CORO2B: variants seen among roughly 807,000 people sequenced by gnomAD.
CORO2B encodes the protein coronin 2B.
A neutral mutation model predicts 58.8 loss-of-function variants in CORO2B; 26 were observed. The observed-to-expected ratio is 0.44, with a 90% confidence interval of 0.32 to 0.61. The LOEUF is 0.61. Among genes scored for constraint, CORO2B ranks in the 20% least tolerant of loss-of-function variants. The pLI, the probability that CORO2B is intolerant of heterozygous loss-of-function variation, is 0.04. For missense variants in CORO2B, 460 were observed against 645.1 expected (o/e 0.71, Z 3.11); for synonymous variants, 242 against 253.8 (o/e 0.95, Z 0.44).
intron 1 of CORO2B, chr15:68,631,997 G>A (rs1448592861): frequency 1.0e-6 from 1 of 985,340 alleles, no homozygotes; most frequent in Admixed American, 6.1e-5. Flanking sequence ...AACAGATTCT[G>A]TTGACCTTTA....
intron 2 of CORO2B, among the ~76,000 whole-genome samples, chr15:68,685,140 G>A (rs1392466380): frequency 6.6e-6 from 1 of 152,174 alleles, no homozygotes; most frequent in Admixed American, 6.5e-5. Flanking sequence ...ATCACCTAAT[G>A]TGACTTCTGT....
the CORO2B span, among the ~76,000 whole-genome samples, chr15:68,522,245 G>A: frequency 3.3e-5 from 5 of 152,046 alleles, no homozygotes; most frequent in African/African-American, 1.2e-4. Context: ...TGGCATTGTT[G>A]GAAAATTCTT....
chr15:68,553,396 C>A, the CORO2B span, among the ~76,000 whole-genome samples: 2 of 151,860 alleles, frequency 1.3e-5, no homozygotes, highest in Non-Finnish European at 2.9e-5. Flanking sequence ...GGTTGGAGAG[C>A]GAGATGTGAT....
chr15:68,530,948 C>G, the CORO2B span, among the ~76,000 whole-genome samples: 1 of 152,068 alleles, frequency 6.6e-6, no homozygotes, highest in Non-Finnish European at 1.5e-5. Flanking sequence ...ATAAATCTGC[C>G]ATTCTATTGT....
the CORO2B span, among the ~76,000 whole-genome samples, chr15:68,540,536 C>T: frequency 3.3e-5 from 5 of 152,150 alleles, no homozygotes; most frequent in African/African-American, 4.8e-5. Flanking sequence ...GAAAAATGTG[C>T]AGTTTAGCTC....
intron 2 of CORO2B, among the ~76,000 whole-genome samples, chr15:68,664,953 A>G (rs996591686): frequency 6.6e-6 from 1 of 152,000 alleles, no homozygotes; most frequent in Admixed American, 6.6e-5. Context: ...TACGTTTCAA[A>G]TGGTACTTTT....
intron 2 of CORO2B, among the ~76,000 whole-genome samples, chr15:68,673,104 G>C (rs1902457474): frequency 1.3e-5 from 2 of 152,156 alleles, no homozygotes; most frequent in Non-Finnish European, 2.9e-5. Context: ...GGAAACCTAA[G>C]CCGGTAGGTG....
At chr15:68,519,812 T>C in the CORO2B span, among the ~76,000 whole-genome samples, 1 of 152,234 alleles carries the variant, frequency 6.6e-6, no homozygotes, top group Non-Finnish European at 1.5e-5. Context: ...GTTCAGGCTA[T>C]ACATAGCTCT....
chr15:68,565,523 A>C, the CORO2B span, among the ~76,000 whole-genome samples: 3 of 148,962 alleles, frequency 2.0e-5, no homozygotes, highest in African/African-American at 7.6e-5. Flanking sequence ...TTTTTCAAAT[A>C]AAAATAAATA....
At chr15:68,558,917 T>G in the CORO2B span, among the ~76,000 whole-genome samples, 5 of 152,100 alleles carry the variant, frequency 3.3e-5, no homozygotes, top group South Asian at 2.1e-4. Flanking sequence ...GGGGAGGTGT[T>G]GTGAGAAATA....
At chr15:68,713,551 C>T (rs532731014) in intron 5 of CORO2B, among the ~76,000 whole-genome samples, 2 of 152,314 alleles carry the variant, frequency 1.3e-5, no homozygotes, top group African/African-American at 4.8e-5. Flanking sequence ...GACTGTACTC[C>T]CTACAGATGC....
the CORO2B span, among the ~76,000 whole-genome samples, chr15:68,542,242 A>G: frequency 1.3e-5 from 2 of 152,228 alleles, no homozygotes; most frequent in East Asian, 1.9e-4. Context: ...ATCCTTAATC[A>G]ATTTCTGAAC....
intron 3 of CORO2B, among the ~76,000 whole-genome samples, chr15:68,702,569 A>G (rs887618355): frequency 2.0e-5 from 3 of 152,100 alleles, no homozygotes; most frequent in Admixed American, 1.3e-4. Flanking sequence ...GATAAACTCA[A>G]TTTTTAGAAT....
In CORO2B at chr15:68,660,976, C is replaced by CT. The variant is rs57270255; in HGVS notation, c.216+15628dup. Among the ~76,000 whole-genome samples the CT allele has an allele frequency of 1.9e-3, 277 of 147,170 alleles. 3 individuals carry two copies. Among genetic ancestry groups the CT allele is most frequent in the Middle Eastern group, 3.5e-3 (1 of 286 alleles). ...GTACCATGTGTAATGTGTAATGAGT[C>CT]TTTTTTTTTTTTCTGTTTTTTGAGA... On this transcript the variant is annotated intron_variant, in intron 2 of 11. Transcript: ENST00000261861.
At chr15:68,668,405 G>A (rs538574473) in intron 2 of CORO2B, among the ~76,000 whole-genome samples, 10 of 144,254 alleles carry the variant, frequency 6.9e-5, no homozygotes, top group East Asian at 3.9e-4. Flanking sequence ...GCAAACAGTC[G>A]TTAAGATTAC....
the CORO2B span, among the ~76,000 whole-genome samples, chr15:68,573,969 G>A: frequency 0.016 from 2,461 of 152,192 alleles, 80 homozygotes; most frequent in African/African-American, 0.055. Flanking sequence ...AGGTGCTGAC[G>A]GGGAGAGAAG....
intron 1 of CORO2B, among the ~76,000 whole-genome samples, chr15:68,622,730 C>A (rs1427575571): frequency 2.0e-5 from 3 of 152,124 alleles, no homozygotes; most frequent in African/African-American, 7.3e-5. Flanking sequence ...TATTCTGAAT[C>A]CTGGGGATGC....
At chr15:68,653,784 C>G (rs536621539) in intron 2 of CORO2B, among the ~76,000 whole-genome samples, 1 of 152,140 alleles carries the variant, frequency 6.6e-6, no homozygotes, top group East Asian at 1.9e-4. Flanking sequence ...AGCCTTCGTT[C>G]CCATTCCAGA....
At chr15:68,549,549 C>A in the CORO2B span, among the ~76,000 whole-genome samples, 3 of 152,200 alleles carry the variant, frequency 2.0e-5, no homozygotes, top group South Asian at 6.2e-4. Context: ...AGCCCAGGCC[C>A]CCTGTGAGTC....
Sources: allele counts gnomAD v4.1 joint callset (sites outside exome capture counted in the v4.1 genomes callset), GRCh38; gene constraint gnomAD v4.1.1; transcripts MANE v1.5; gene names NCBI Gene and HGNC (gene_info 2026-07-23, HGNC 2026-07-21).